Variants in ALK observed in about 807,000 individuals in gnomAD.
ALK encodes ALK tyrosine kinase receptor.
ALK carries 74 observed loss-of-function variants against 163.1 expected under a neutral mutation model. That is an observed-to-expected ratio of 0.45 (90% CI 0.38 to 0.55). The LOEUF is 0.55. Among genes scored for constraint, ALK ranks in the 20% least tolerant of loss-of-function variants. The probability of loss-of-function intolerance (pLI) is 0.00; values close to 1 mark genes in which losing one functional copy is unlikely to be tolerated. For synonymous variants in ALK, 960 were observed against 843.2 expected (o/e 1.14, Z -2.40); for missense variants, 2,063 against 2,105.3 (o/e 0.98, Z 0.39).
At chr2:29,858,077 G>A (rs1310552487) in intron 1 of ALK, among the ~76,000 whole-genome samples, 2 of 151,536 alleles carry the variant, frequency 1.3e-5, no homozygotes, top group Non-Finnish European at 2.9e-5. Context: ...GTGTGTGTAT[G>A]CATGTGGTAT....
chr2:29,524,491 T>G (rs1029158008), intron 4 of ALK, among the ~76,000 whole-genome samples: 5 of 152,188 alleles, frequency 3.3e-5, no homozygotes, highest in Non-Finnish European at 5.9e-5. Context: ...ATAAGCAAAT[T>G]ATGGAAGCTC....
chr2:29,423,455 C>A (rs907250417), intron 4 of ALK, among the ~76,000 whole-genome samples: 2 of 152,200 alleles, frequency 1.3e-5, no homozygotes, highest in Non-Finnish European at 2.9e-5. Context: ...GCTTAGATCA[C>A]GCCACAGGTG....
At position 29,251,260 on chromosome 2, in the gene ALK, C is replaced by G. The variant is rs1416585203; in HGVS notation, c.2049G>C (p.Trp683Cys). 6.2e-7 allele frequency: 1 copy of G among 1,613,486 alleles called. No homozygotes were observed. Residue 683 changes from tryptophan (W) to cysteine (C), a missense_variant, in exon 12 of 29, where the codon TGG becomes TGC. Coordinates refer to ENST00000389048, the MANE Select transcript of ALK (RefSeq NM_004304.5). ...CGCTGGCCCCACATGTGGTGAACAG[C>G]CAATGAACTGTGGCACAAGAGGAGA... ...QTPIFDPTVH[W>C]LFTTCGASGP...
At chr2:29,798,970 T>C (rs1388409543) in intron 1 of ALK, among the ~76,000 whole-genome samples, 1 of 152,196 alleles carries the variant, frequency 6.6e-6, no homozygotes, top group Admixed American at 6.5e-5. Flanking sequence ...GGATATGCCA[T>C]TGAGCTTTTC....
At chr2:29,710,230 G>A (rs937998066) in intron 2 of ALK, among the ~76,000 whole-genome samples, 1 of 152,150 alleles carries the variant, frequency 6.6e-6, no homozygotes, top group South Asian at 2.1e-4. Context: ...CTTCTGCCAC[G>A]ATTGTGAGGT....
intron 6 of ALK, among the ~76,000 whole-genome samples, chr2:29,326,092 C>G (rs1352030031): frequency 1.3e-5 from 2 of 152,124 alleles, no homozygotes; most frequent in South Asian, 2.1e-4. Context: ...GGGGTGTTCT[C>G]CAGGGTGGAG....
chr2:29,229,873 G>A (rs949464774), intron 15 of ALK, among the ~76,000 whole-genome samples: 1 of 152,262 alleles, frequency 6.6e-6, no homozygotes, highest in Non-Finnish European at 1.5e-5. Context: ...GTGGGTGGAC[G>A]ATACCCTGGC....
rs1045899818 is a variant in ALK, at chr2:29,547,404, C to G, written c.953-15288G>C. On this transcript the variant is annotated intron_variant, in intron 3 of 28. Transcript: ENST00000389048. ...CTCAGCTCAGGAGTTCGAGATCAGCCTGGGCAACATGGTGAAACCCCATCT... is the reference window on the plus strand; with the variant it reads ...CTCAGCTCAGGAGTTCGAGATCAGCGTGGGCAACATGGTGAAACCCCATCT... Among the ~76,000 whole-genome samples the G allele has an allele frequency of 1.3e-5, 2 of 152,298 alleles. 1 individual carries two copies. The highest frequency in any genetic ancestry group is 4.1e-4 in the South Asian group (2 of 4,820).
chr2:29,525,396 A>G (rs1672930723), intron 4 of ALK, among the ~76,000 whole-genome samples: 1 of 152,204 alleles, frequency 6.6e-6, no homozygotes, highest in Non-Finnish European at 1.5e-5. Flanking sequence ...TGTTAGAGCC[A>G]TGATTCTTAA....
intron 3 of ALK, among the ~76,000 whole-genome samples, chr2:29,629,960 G>A (rs1162885566): frequency 6.6e-6 from 1 of 152,124 alleles, no homozygotes; most frequent in Non-Finnish European, 1.5e-5. Flanking sequence ...TAGTCTACCC[G>A]ACAAACAGAT....
At chr2:29,407,814 T>A (rs559250403) in intron 4 of ALK, among the ~76,000 whole-genome samples, 46 of 152,334 alleles carry the variant, frequency 3.0e-4, no homozygotes, top group African/African-American at 1.0e-3. Flanking sequence ...ATGTGTCATG[T>A]CATGATGGCC....
intron 9 of ALK, among the ~76,000 whole-genome samples, chr2:29,288,806 G>A (rs1052565860): frequency 6.6e-6 from 1 of 151,596 alleles, no homozygotes; most frequent in Admixed American, 6.6e-5. Context: ...ACAAAAATTA[G>A]CCAGGCGTGG....
At chr2:29,699,137 A>G (rs1015961832) in intron 2 of ALK, among the ~76,000 whole-genome samples, 1 of 152,120 alleles carries the variant, frequency 6.6e-6, no homozygotes, top group Admixed American at 6.6e-5. Context: ...ATTTTACAGG[A>G]GGGATTCAGA....
intron 1 of ALK, among the ~76,000 whole-genome samples, chr2:29,842,779 T>G (rs953547831): frequency 3.3e-5 from 5 of 152,182 alleles, no homozygotes; most frequent in African/African-American, 1.2e-4. Flanking sequence ...CAGTAGTGTG[T>G]ACTGAGCTCC....
intron 4 of ALK, among the ~76,000 whole-genome samples, chr2:29,464,972 T>C (rs1346996062): frequency 6.6e-6 from 1 of 152,196 alleles, no homozygotes; most frequent in Non-Finnish European, 1.5e-5. Flanking sequence ...CAGTCGAATA[T>C]ATGTGTAACT....
chr2:29,301,937 A>G (rs911354890), intron 8 of ALK, among the ~76,000 whole-genome samples: 1 of 152,084 alleles, frequency 6.6e-6, no homozygotes, highest in Non-Finnish European at 1.5e-5. Flanking sequence ...TCATCTACTC[A>G]CTCGCAGATA....
At chr2:29,481,927 A>T (rs1211415335) in intron 4 of ALK, among the ~76,000 whole-genome samples, 1 of 152,228 alleles carries the variant, frequency 6.6e-6, no homozygotes, top group African/African-American at 2.4e-5. Context: ...CCCACAAAGA[A>T]AGAAGGTGAT....
At chr2:29,593,433 A>G (rs1675118068) in intron 3 of ALK, among the ~76,000 whole-genome samples, 1 of 152,212 alleles carries the variant, frequency 6.6e-6, no homozygotes, top group East Asian at 1.9e-4. Context: ...CACCGGGATC[A>G]CTACCTGACA....
chr2:29,204,850 A>G (rs1669273744), intron 26 of ALK, among the ~76,000 whole-genome samples: 1 of 152,198 alleles, frequency 6.6e-6, no homozygotes, highest in South Asian at 2.1e-4. Flanking sequence ...TGGCCTCCCA[A>G]AGAGCTGGGA....
Sources: allele counts gnomAD v4.1 joint callset (sites outside exome capture counted in the v4.1 genomes callset), GRCh38; gene constraint gnomAD v4.1.1; transcripts MANE v1.5; gene names NCBI Gene and HGNC (gene_info 2026-07-23, HGNC 2026-07-21).